MOB1B: variants seen among roughly 807,000 people sequenced by gnomAD.
MOB1B encodes the protein MOB kinase activator 1B.
In MOB1B, 19 loss-of-function variants were observed where a neutral mutation model predicts 24.4. The observed-to-expected ratio is 0.78, with a 90% CI of 0.54 to 1.14. The LOEUF (loss-of-function observed/expected upper bound fraction) is 1.14. MOB1B is among the 50% of genes most tolerant of loss of function. The pLI is 0.00. For missense variants in MOB1B, 243 were observed against 259.6 expected, an observed-to-expected ratio of 0.94 and a Z score of 0.44; for synonymous variants, 76 against 82.1, an observed-to-expected ratio of 0.93 and a Z score of 0.40.
intron 3 of MOB1B, among the ~76,000 whole-genome samples, chr4:70,971,460 C>T (rs1229122791): frequency 1.4e-5 from 2 of 147,590 alleles, no homozygotes; most frequent in Admixed American, 6.8e-5. Context: ...GAGATCGTGC[C>T]AGTGTGTGTA....
At chr4:70,920,630 G>A (rs1428408189) in intron 1 of MOB1B, among the ~76,000 whole-genome samples, 3 of 152,138 alleles carry the variant, frequency 2.0e-5, no homozygotes, top group Non-Finnish European at 4.4e-5. Flanking sequence ...GATATAGACT[G>A]GTAAGAAATT....
chr4:70,950,867 A>C, intron 1 of MOB1B: 2 of 953,394 alleles, frequency 2.1e-6, no homozygotes, highest in Non-Finnish European at 3.2e-6. Flanking sequence ...TCTTAACATA[A>C]GTTTCAGTAG....
At position 70,962,285 on chromosome 4, in the gene MOB1B, C is replaced by G. The variant is rs565238564; in HGVS notation, c.181+3245C>G. Among the ~76,000 whole-genome samples the G allele has an allele frequency of 3.9e-5, 6 of 152,314 alleles. No individual in the cohort carries two copies. In the East Asian group the frequency reaches 7.7e-4, roughly 20 times the overall value. On this transcript the variant is annotated intron_variant, in intron 2 of 5. Transcript: ENST00000309395. ...CCCAGGCTTCACGAATTAGTCAAAACTCTACCTGATAACACTATTTTGATG... is the reference window on the plus strand; with the variant it reads ...CCCAGGCTTCACGAATTAGTCAAAAGTCTACCTGATAACACTATTTTGATG...
chr4:70,977,004 A>G (rs114356442), intron 4 of MOB1B, among the ~76,000 whole-genome samples: 123 of 152,092 alleles, frequency 8.1e-4, no homozygotes, highest in African/African-American at 2.8e-3. Context: ...ACACATACAC[A>G]TACATTCATT....
intron 1 of MOB1B, among the ~76,000 whole-genome samples, chr4:70,937,184 C>T (rs978533556): frequency 6.6e-6 from 1 of 152,140 alleles, no homozygotes; most frequent in Admixed American, 6.5e-5. Flanking sequence ...TCCCAAAGTG[C>T]TGGGATTACA....
At chr4:70,915,659 T>C (rs1428636688) in intron 1 of MOB1B, among the ~76,000 whole-genome samples, 1 of 152,138 alleles carries the variant, frequency 6.6e-6, no homozygotes, top group Admixed American at 6.5e-5. Context: ...CTTCAGGCCC[T>C]ATTTTCCTAC....
intron 1 of MOB1B, among the ~76,000 whole-genome samples, chr4:70,950,427 CAAAAA>C (rs34937726): frequency 2.8e-5 from 2 of 70,386 alleles, no homozygotes; most frequent in Admixed American, 1.6e-4. Context: ...GTCTCTGTAT[CAAAAA>C]AAAAAAAAAA....
At chr4:70,930,951 T>C (rs1736867441) in intron 1 of MOB1B, among the ~76,000 whole-genome samples, 1 of 147,834 alleles carries the variant, frequency 6.8e-6, no homozygotes, top group Non-Finnish European at 1.5e-5. Flanking sequence ...TAAACATTTT[T>C]AATTGTACCT....
chr4:70,903,903 T>A (rs1441815306), intron 1 of MOB1B, among the ~76,000 whole-genome samples: 2 of 151,474 alleles, frequency 1.3e-5, no homozygotes, highest in African/African-American at 4.8e-5. Flanking sequence ...TCTGAGTTTG[T>A]CGGATTGGCA....
intron 1 of MOB1B, among the ~76,000 whole-genome samples, chr4:70,938,792 T>G (rs56241517): frequency 0.14 from 20,280 of 147,852 alleles, 1,789 homozygotes; most frequent in Non-Finnish European, 0.19. Flanking sequence ...TTTTTTTTTT[T>G]TGGAGATGGA....
intron 1 of MOB1B, among the ~76,000 whole-genome samples, chr4:70,928,580 C>T (rs1039116544): frequency 3.9e-5 from 6 of 152,072 alleles, no homozygotes; most frequent in African/African-American, 1.4e-4. Flanking sequence ...AGGTATGAGC[C>T]ACCACACGTG....
intron 1 of MOB1B, among the ~76,000 whole-genome samples, chr4:70,931,063 C>T (rs1474626276): frequency 6.8e-6 from 1 of 146,552 alleles, no homozygotes; most frequent in African/African-American, 2.5e-5. Flanking sequence ...CCTTTCCTGA[C>T]ATCACACTGA....
chr4:70,966,859 T>A (rs902386476), intron 2 of MOB1B, among the ~76,000 whole-genome samples: 7 of 144,132 alleles, frequency 4.9e-5, no homozygotes, highest in African/African-American at 1.3e-4. Flanking sequence ...AAAAAAAAAA[T>A]AAATTAGAAA....
chr4:70,914,439 C>T lies in MOB1B; in HGVS notation c.14+11889C>T, dbSNP rs184140372. 2.7e-4 allele frequency among the ~76,000 whole-genome samples: 41 copies of T among 152,244 alleles called. 1 individual carries two copies. Among genetic ancestry groups the T allele is most frequent in the Admixed American group, 1.4e-3 (22 of 15,292 alleles). On this transcript the variant is annotated intron_variant, in intron 1 of 5. Coordinates refer to ENST00000309395, the MANE Select transcript of MOB1B (RefSeq NM_173468.4). ...ATCTTACACTTTTTCTGCCCCAGTC[C>T]AGGAGATAGACATTTATCTGAGGAC...
intron 1 of MOB1B, among the ~76,000 whole-genome samples, chr4:70,950,036 C>G (rs1018755220): frequency 6.6e-6 from 1 of 151,934 alleles, no homozygotes; most frequent in Non-Finnish European, 1.5e-5. Context: ...TTGTGTTGTT[C>G]GTGAATGACT....
chr4:70,953,275 T>G (rs577827277), intron 1 of MOB1B, among the ~76,000 whole-genome samples: 1 of 152,224 alleles, frequency 6.6e-6, no homozygotes, highest in South Asian at 2.1e-4. Context: ...TGAGGAGCAT[T>G]ATTGACCACC....
chr4:70,975,476 C>G, intron 4 of MOB1B, 190 bp downstream of exon 4: 1 of 1,312,228 alleles, frequency 7.6e-7, no homozygotes, highest in Non-Finnish European at 9.7e-7. Context: ...AGCAAGTGAT[C>G]CTGTGTGAAT....
At chr4:70,902,181 G>T (rs1050500277), upstream of MOB1B, 1 of 440,794 alleles carries the variant, frequency 2.3e-6, no homozygotes, top group Non-Finnish European at 4.1e-6. Flanking sequence ...GAGACCAGAA[G>T]GTGAGAGTCC....
chr4:70,947,499 A>G (rs575519605), intron 1 of MOB1B, among the ~76,000 whole-genome samples: 2 of 152,050 alleles, frequency 1.3e-5, no homozygotes, highest in East Asian at 3.9e-4. Flanking sequence ...CTTATTGTTG[A>G]ATTTTAACAG....
Sources: gnomAD v4.1 joint callset for allele counts (sites outside exome capture counted in the v4.1 genomes callset) on GRCh38, gnomAD v4.1.1 for gene constraint, MANE v1.5 for transcripts, NCBI Gene and HGNC (gene_info 2026-07-23, HGNC 2026-07-21) for gene names.